The following TGFBR3 variants were observed in gnomAD, a reference collection of about 807,000 sequenced individuals.
TGFBR3 encodes the protein transforming growth factor beta receptor 3.
TGFBR3 carries 46 observed loss-of-function variants against 87.9 expected under a neutral mutation model. That is an observed-to-expected ratio of 0.52 (90% CI 0.41 to 0.67). TGFBR3 has a LOEUF of 0.67. Among genes scored for constraint, TGFBR3 ranks in the 30% least tolerant of loss-of-function variants. The pLI, the probability that TGFBR3 is intolerant of heterozygous loss-of-function variation, is 0.00. For missense variants in TGFBR3, 866 were observed against 1,041.9 expected (o/e 0.83, Z 2.32); for synonymous variants, 381 against 391.6 (o/e 0.97, Z 0.32).
chr1:91,729,425 T>C (rs548571037), intron 6 of TGFBR3, among the ~76,000 whole-genome samples: 1 of 152,290 alleles, frequency 6.6e-6, no homozygotes, highest in Admixed American at 6.5e-5. Context: ...AGGGCATATT[T>C]TGTAATTTTC....
At chr1:91,690,643 T>C (rs528176957) in intron 16 of TGFBR3, among the ~76,000 whole-genome samples, 7 of 152,174 alleles carry the variant, frequency 4.6e-5, no homozygotes, top group Non-Finnish European at 8.8e-5. Context: ...GTCTGGATAT[T>C]TGCTTTCCGG....
chr1:91,709,978 C>T (rs1031143828), intron 13 of TGFBR3, among the ~76,000 whole-genome samples: 15 of 152,182 alleles, frequency 9.9e-5, no homozygotes, highest in South Asian at 6.2e-4. Context: ...AGGCTGGTCT[C>T]GAACTCCCAG....
intron 12 of TGFBR3, among the ~76,000 whole-genome samples, chr1:91,713,915 C>G (rs923276565): frequency 6.6e-6 from 1 of 152,066 alleles, no homozygotes; most frequent in African/African-American, 2.4e-5. Flanking sequence ...CTTCTCTAAT[C>G]TCAAAAGAAA....
At chr1:91,891,960 A>G (rs548195449) in intron 2 of TGFBR3, among the ~76,000 whole-genome samples, 2 of 152,300 alleles carry the variant, frequency 1.3e-5, no homozygotes, top group South Asian at 2.1e-4. Flanking sequence ...AATTAATGAG[A>G]AAAAATACAA....
chr1:91,847,454 T>G (rs1244369483), intron 2 of TGFBR3, among the ~76,000 whole-genome samples: 1 of 151,370 alleles, frequency 6.6e-6, no homozygotes, highest in Non-Finnish European at 1.5e-5. Flanking sequence ...AAATACAAAA[T>G]TAGCCAGGCG....
At chr1:91,784,418 C>T (rs1674884302) in intron 3 of TGFBR3, among the ~76,000 whole-genome samples, 1 of 152,196 alleles carries the variant, frequency 6.6e-6, no homozygotes, top group African/African-American at 2.4e-5. Flanking sequence ...GACCCAAGAC[C>T]TAGTTCCTGC....
chr1:91,684,009 A>G lies in TGFBR3; in HGVS notation c.2438-152T>C, dbSNP rs1671006295. 9.1e-6 allele frequency: 6 copies of G among 662,192 alleles called. No homozygotes were observed. In the Admixed American group the frequency reaches 1.3e-4, roughly 15 times the overall value. The allele number at this position is 662,192 out of a possible 1,614,324, so 41.0% of individuals were successfully genotyped here. Reference sequence around the variant, plus strand: ...CTAGACTAGGTCCTAGATGGCTGGAATACCTTCTAAAATAAGGTTTTGCTA... The same window carrying G: ...CTAGACTAGGTCCTAGATGGCTGGAGTACCTTCTAAAATAAGGTTTTGCTA... On this transcript the variant is annotated intron_variant, in intron 16 of 16. Transcript: ENST00000212355.
chr1:91,813,139 A>G (rs1426504903), intron 2 of TGFBR3, among the ~76,000 whole-genome samples: 2 of 152,152 alleles, frequency 1.3e-5, no homozygotes, highest in Non-Finnish European at 2.9e-5. Flanking sequence ...ACTCACTAAA[A>G]CGTTCTGACT....
chr1:91,734,237 C>A (rs962645660), intron 5 of TGFBR3, among the ~76,000 whole-genome samples: 5 of 152,202 alleles, frequency 3.3e-5, no homozygotes, highest in African/African-American at 1.2e-4. Flanking sequence ...CCCTACACTT[C>A]TTTTCTCCAA....
intron 3 of TGFBR3, among the ~76,000 whole-genome samples, chr1:91,767,820 C>T (rs983677945): frequency 1.1e-4 from 17 of 151,416 alleles, no homozygotes; most frequent in Non-Finnish European, 1.6e-4. Context: ...AAAGTAACTT[C>T]TCAATTCTTT....
intron 3 of TGFBR3, chr1:91,783,166 C>A (rs1388264806): frequency 6.6e-6 from 1 of 152,166 alleles, no homozygotes; most frequent in Non-Finnish European, 1.5e-5. Context: ...AACACCTCAT[C>A]TCATTAGCTC....
chr1:91,804,182 G>GA (rs371497157), intron 2 of TGFBR3, among the ~76,000 whole-genome samples: 54 of 147,616 alleles, frequency 3.7e-4, no homozygotes, highest in African/African-American at 2.7e-4. Context: ...AAAAGGGGCA[G>GA]AAAAAAAAAA....
chr1:91,755,713 G>A (rs907103550), intron 4 of TGFBR3, among the ~76,000 whole-genome samples: 1 of 152,132 alleles, frequency 6.6e-6, no homozygotes, highest in African/African-American at 2.4e-5. Flanking sequence ...CAAAATTAAA[G>A]CAAATTAATA....
chr1:91,730,094 A>G, intron 5 of TGFBR3, 121 bp from the exon 6 acceptor site: 1 of 1,139,822 alleles, frequency 8.8e-7, no homozygotes, highest in Non-Finnish European at 1.3e-6. Context: ...AGCTCAAAGG[A>G]TGGTTCTTCG....
chr1:91,892,095 C>A (rs1679463315), intron 2 of TGFBR3, among the ~76,000 whole-genome samples: 1 of 152,224 alleles, frequency 6.6e-6, no homozygotes, highest in Admixed American at 6.5e-5. Flanking sequence ...CAAGTTCCTG[C>A]AAACTCACCA....
chr1:91,764,756 C>G (rs796103177), intron 3 of TGFBR3, among the ~76,000 whole-genome samples: 8 of 152,312 alleles, frequency 5.3e-5, no homozygotes, highest in African/African-American at 1.7e-4. Context: ...GTGTACATCA[C>G]TAACACACCG....
chr1:91,699,737 T>G (rs938964423), intron 14 of TGFBR3, among the ~76,000 whole-genome samples: 2 of 152,236 alleles, frequency 1.3e-5, no homozygotes, highest in Non-Finnish European at 1.5e-5. Context: ...AGGTCACAGC[T>G]GGAAAGCATC....
At chr1:91,732,126 CA>C (rs1216188530) in intron 5 of TGFBR3, among the ~76,000 whole-genome samples, 1 of 152,116 alleles carries the variant, frequency 6.6e-6, no homozygotes, top group African/African-American at 2.4e-5. Context: ...CTTTGAGACA[CA>C]GAAGGATATA....
chr1:91,828,032 G>A (rs1435777234), intron 2 of TGFBR3, among the ~76,000 whole-genome samples: 1 of 152,182 alleles, frequency 6.6e-6, no homozygotes, highest in Non-Finnish European at 1.5e-5. Flanking sequence ...CATTATCTTG[G>A]TTAATCATCT....
Sources: allele counts gnomAD v4.1 joint callset (sites outside exome capture counted in the v4.1 genomes callset), GRCh38; gene constraint gnomAD v4.1.1; transcripts MANE v1.5; gene names NCBI Gene and HGNC (gene_info 2026-07-23, HGNC 2026-07-21).